The following MTUS2 variants were observed in gnomAD, a reference collection of about 807,000 sequenced individuals.
MTUS2 encodes microtubule-associated tumor suppressor candidate 2.
A neutral mutation model predicts 114.1 loss-of-function variants in MTUS2; 40 were observed. The ratio of observed to expected loss-of-function variants is 0.35; its 90% CI spans 0.27 to 0.46. The LOEUF is 0.46. Among genes scored for constraint, MTUS2 ranks in the 20% least tolerant of loss-of-function variants. The probability of loss-of-function intolerance (pLI) is 1.00; values close to 1 mark genes in which losing one functional copy is unlikely to be tolerated. For synonymous variants in MTUS2, 688 were observed against 672.0 expected (o/e 1.02, Z -0.37); for missense variants, 1,679 against 1,705.4 (o/e 0.98, Z 0.27).
At chr13:28,912,637 A>C (rs1330880444) in intron 2 of MTUS2, among the ~76,000 whole-genome samples, 1 of 152,100 alleles carries the variant, frequency 6.6e-6, no homozygotes, top group South Asian at 2.1e-4. Flanking sequence ...GATTCTTCCT[A>C]TCCATGAGCA....
At chr13:29,089,505 C>A (rs1385011486) in intron 4 of MTUS2, among the ~76,000 whole-genome samples, 1 of 152,200 alleles carries the variant, frequency 6.6e-6, no homozygotes, top group Non-Finnish European at 1.5e-5. Context: ...ACCTCTCTAG[C>A]AAGGTCAGGG....
At chr13:28,876,520 C>T (rs1877940488) in intron 2 of MTUS2, among the ~76,000 whole-genome samples, 1 of 152,198 alleles carries the variant, frequency 6.6e-6, no homozygotes, top group Non-Finnish European at 1.5e-5. Flanking sequence ...AAACTCTCTT[C>T]TCAACACACC....
intron 2 of MTUS2, among the ~76,000 whole-genome samples, chr13:28,995,930 T>C (rs1383161949): frequency 6.6e-6 from 1 of 152,178 alleles, no homozygotes; most frequent in Non-Finnish European, 1.5e-5. Flanking sequence ...CTTCCAACAC[T>C]ATGTTGAATA....
chr13:28,972,164 G>A (rs1198188671), intron 2 of MTUS2, among the ~76,000 whole-genome samples: 1 of 152,186 alleles, frequency 6.6e-6, no homozygotes, highest in Non-Finnish European at 1.5e-5. Context: ...CAGCATCTTA[G>A]ATCTGCACAA....
At chr13:29,371,234 T>A (rs1413048367) in intron 8 of MTUS2, among the ~76,000 whole-genome samples, 1 of 145,968 alleles carries the variant, frequency 6.9e-6, no homozygotes, top group Admixed American at 6.8e-5. Context: ...CCCCCCTTTT[T>A]TGAGATGGAG....
intron 2 of MTUS2, among the ~76,000 whole-genome samples, chr13:28,990,586 C>T (rs9508214): frequency 3.5e-4 from 12 of 34,226 alleles, no homozygotes; most frequent in Admixed American, 1.5e-3. Flanking sequence ...TCTGTAAAAA[C>T]GCACCAATCA....
chr13:29,210,573 C>A (rs958690062), intron 5 of MTUS2, among the ~76,000 whole-genome samples: 16 of 152,236 alleles, frequency 1.1e-4, no homozygotes, highest in South Asian at 6.2e-4. Flanking sequence ...GAGGGAAGAT[C>A]TAGGGCTCAA....
At chr13:29,285,549 G>A (rs1429371304) in intron 6 of MTUS2, among the ~76,000 whole-genome samples, 1 of 152,176 alleles carries the variant, frequency 6.6e-6, no homozygotes, top group African/African-American at 2.4e-5. Flanking sequence ...ATTTGGTGCA[G>A]CCTCTGGAGT....
intron 6 of MTUS2, among the ~76,000 whole-genome samples, chr13:29,312,930 A>G (rs1239779180): frequency 6.6e-6 from 1 of 152,236 alleles, no homozygotes; most frequent in East Asian, 1.9e-4. Flanking sequence ...AGCTATTTCA[A>G]AATGTCAGGA....
intron 5 of MTUS2, among the ~76,000 whole-genome samples, chr13:29,245,911 A>G (rs1019187718): frequency 2.0e-5 from 3 of 151,960 alleles, no homozygotes; most frequent in African/African-American, 7.2e-5. Context: ...GTTAGCCAGG[A>G]TGGTCTTGAT....
chr13:29,120,743 G>T (rs192080728), intron 5 of MTUS2, among the ~76,000 whole-genome samples: 29 of 152,268 alleles, frequency 1.9e-4, no homozygotes, highest in South Asian at 4.1e-4. Flanking sequence ...GATCCCCTTG[G>T]GGTCCGATGT....
chr13:29,381,967 G>T (rs1350230928), intron 8 of MTUS2, among the ~76,000 whole-genome samples: 1 of 152,210 alleles, frequency 6.6e-6, no homozygotes, highest in African/African-American at 2.4e-5. Flanking sequence ...ATCATTGCGT[G>T]TCTCCTGGGC....
chr13:28,976,222 AAAG>A (rs1459196086), intron 2 of MTUS2, among the ~76,000 whole-genome samples: 41 of 103,852 alleles, frequency 3.9e-4, no homozygotes, highest in African/African-American at 1.4e-3. Context: ...AAAAAAAAAA[AAAG>A]AAAAGAAGAA....
At chr13:29,054,256 CTG>C (rs1888027861) in intron 4 of MTUS2, among the ~76,000 whole-genome samples, 1 of 152,096 alleles carries the variant, frequency 6.6e-6, no homozygotes, top group African/African-American at 2.4e-5. Flanking sequence ...TTTAAAAAAT[CTG>C]TTGTTTTTTT....
intron 8 of MTUS2, among the ~76,000 whole-genome samples, chr13:29,375,708 G>A (rs1195801334): frequency 6.8e-6 from 1 of 147,440 alleles, no homozygotes; most frequent in Non-Finnish European, 1.5e-5. Context: ...GGACAGAGCT[G>A]GAGGCCATTA....
At chr13:29,117,095 G>A (rs767164896) in intron 5 of MTUS2, among the ~76,000 whole-genome samples, 216 of 152,166 alleles carry the variant, frequency 1.4e-3, no homozygotes, top group Non-Finnish European at 2.9e-3. Context: ...TCTTTACCGT[G>A]TTCATGATAC....
intron 2 of MTUS2, among the ~76,000 whole-genome samples, chr13:28,958,209 C>T (rs548828546): frequency 6.6e-6 from 1 of 152,232 alleles, no homozygotes; most frequent in Non-Finnish European, 1.5e-5. Context: ...CCCAGCCTAT[C>T]TGTGATCTCC....
At chr13:29,234,005 G>T (rs371631772) in intron 5 of MTUS2, among the ~76,000 whole-genome samples, 1 of 152,140 alleles carries the variant, frequency 6.6e-6, no homozygotes, top group Admixed American at 6.5e-5. Context: ...AAGAAAAAAT[G>T]GGAAAATCAG....
intron 9 of MTUS2, among the ~76,000 whole-genome samples, chr13:29,441,531 C>A (rs1315678208): frequency 1.5e-5 from 2 of 135,306 alleles, no homozygotes; most frequent in African/African-American, 2.6e-5. Context: ...CTCTGTGTCC[C>A]CATCTGTTTC....
Sources: allele counts gnomAD v4.1 joint callset (sites outside exome capture counted in the v4.1 genomes callset), GRCh38; gene constraint gnomAD v4.1.1; transcripts MANE v1.5; gene names NCBI Gene and HGNC (gene_info 2026-07-23, HGNC 2026-07-21).